The following FRAS1 variants were observed in gnomAD, a reference collection of about 807,000 sequenced individuals.
FRAS1 encodes Fraser extracellular matrix complex subunit 1, also known as extracellular matrix organizing protein FRAS1.
A neutral mutation model predicts 435.2 loss-of-function variants in FRAS1; 290 were observed. The observed-to-expected ratio is 0.67, with a 90% CI of 0.61 to 0.73. The LOEUF (loss-of-function observed/expected upper bound fraction) is 0.73. Ranked by LOEUF, FRAS1 falls within the 30% of genes least tolerant of loss-of-function variation. The pLI, the probability that FRAS1 is intolerant of heterozygous loss-of-function variation, is 0.00. For synonymous variants in FRAS1, 1,800 were observed against 1,851.0 expected, an observed-to-expected ratio of 0.97 and a Z score of 0.71; for missense variants, 4,860 against 5,001.5, an observed-to-expected ratio of 0.97 and a Z score of 0.85.
chr4:78,480,565 T>C (rs1400313673), intron 56 of FRAS1, among the ~76,000 whole-genome samples: 1 of 152,184 alleles, frequency 6.6e-6, no homozygotes, highest in East Asian at 1.9e-4. Flanking sequence ...GTGAAGTATT[T>C]AGTGTACTGC....
intron 42 of FRAS1, 26 bp from the exon 43 acceptor site, chr4:78,446,701 G>C (rs1365822118): frequency 6.2e-7 from 1 of 1,604,006 alleles, no homozygotes. Flanking sequence ...ATCTGTGTGA[G>C]ATCTAATAGT....
chr4:78,452,241 A>C lies in FRAS1; in HGVS notation c.6650A>C (p.Lys2217Thr), dbSNP rs778199753. 1 of 1,613,880 alleles carries C rather than the reference A, an allele frequency of 6.2e-7. No homozygotes were observed. Among genetic ancestry groups the C allele is most frequent in the African/African-American group, 1.3e-5 (1 of 75,038 alleles). ...GLVLDENSVKKITTLQLSATD... is the reference protein window; with the variant it reads ...GLVLDENSVKTITTLQLSATD... Reference sequence around the variant, plus strand: ...GTCTTGGATGAAAACTCAGTGAAGAAAATCACCACCCTGCAGCTGTCTGCC... The same window carrying C: ...GTCTTGGATGAAAACTCAGTGAAGACAATCACCACCCTGCAGCTGTCTGCC... Residue 2217 changes from lysine to threonine, a missense_variant, in exon 47 of 74, where the codon AAA (lysine) becomes ACA (threonine). Transcript: ENST00000512123.
At chr4:78,292,893 T>C (rs1560632269) in intron 14 of FRAS1, among the ~76,000 whole-genome samples, 1 of 152,216 alleles carries the variant, frequency 6.6e-6, no homozygotes, top group Non-Finnish European at 1.5e-5. Flanking sequence ...ATCCTATGCA[T>C]TGTTCAGAAC....
intron 47 of FRAS1, among the ~76,000 whole-genome samples, chr4:78,462,228 A>T (rs1719390902): frequency 6.6e-6 from 1 of 152,146 alleles, no homozygotes; most frequent in Non-Finnish European, 1.5e-5. Flanking sequence ...TACAAAAATT[A>T]GGCAGGGATG....
At chr4:78,347,050 C>T (rs1481869482) in intron 20 of FRAS1, among the ~76,000 whole-genome samples, 1 of 152,204 alleles carries the variant, frequency 6.6e-6, no homozygotes, top group African/African-American at 2.4e-5. Context: ...TTTCTCTCTT[C>T]CTGCTGGACA....
In FRAS1 at chr4:78,491,105, G is replaced by A. The variant is rs180710784; in HGVS notation, c.8958+2025G>A. ...ACATACGCCCTCTCAAGACTAAACCGGGAAGAATTTGAATCCCTGAATAGA... is the reference window on the plus strand; with the variant it reads ...ACATACGCCCTCTCAAGACTAAACCAGGAAGAATTTGAATCCCTGAATAGA... On this transcript the variant is annotated intron_variant, in intron 59 of 73. Transcript: ENST00000512123. Among the ~76,000 whole-genome samples, 634 of 152,044 alleles carry A rather than the reference G, an allele frequency of 4.2e-3. 6 individuals are homozygous for A. The highest frequency in any genetic ancestry group is 0.014 in the African/African-American group (599 of 41,474).
intron 2 of FRAS1, among the ~76,000 whole-genome samples, chr4:78,088,201 A>G (rs1198097287): frequency 6.6e-6 from 1 of 152,108 alleles, no homozygotes; most frequent in Non-Finnish European, 1.5e-5. Flanking sequence ...TTAGTAAATG[A>G]TGCTGGGAAA....
At chr4:78,347,751 A>ATG (rs944787108) in intron 20 of FRAS1, among the ~76,000 whole-genome samples, 21 of 73,528 alleles carry the variant, frequency 2.9e-4, no homozygotes, top group East Asian at 2.8e-3. Context: ...TGGGATGTGT[A>ATG]TGTGTGTGTG....
chr4:78,203,804 G>A (rs1314741366), intron 2 of FRAS1, among the ~76,000 whole-genome samples: 3 of 152,158 alleles, frequency 2.0e-5, no homozygotes, highest in African/African-American at 7.2e-5. Flanking sequence ...CTGACCTCAG[G>A]TGATCCGCCC....
intron 20 of FRAS1, among the ~76,000 whole-genome samples, chr4:78,338,995 T>G (rs1427757688): frequency 6.6e-6 from 1 of 152,178 alleles, no homozygotes; most frequent in Non-Finnish European, 1.5e-5. Context: ...GAAGCCCAAG[T>G]GTAGAGACTG....
chr4:78,121,365 A>C (rs1719012370), intron 2 of FRAS1, among the ~76,000 whole-genome samples: 1 of 152,230 alleles, frequency 6.6e-6, no homozygotes, highest in African/African-American at 2.4e-5. Context: ...CAAGCCCCCC[A>C]CATACTGAGA....
intron 59 of FRAS1, among the ~76,000 whole-genome samples, chr4:78,494,185 T>C (rs954892231): frequency 1.3e-5 from 2 of 152,332 alleles, no homozygotes; most frequent in South Asian, 4.1e-4. Context: ...TTTTTTCATC[T>C]TTTACTGTTT....
intron 2 of FRAS1, among the ~76,000 whole-genome samples, chr4:78,160,358 T>C (rs553834218): frequency 6.6e-6 from 1 of 152,330 alleles, no homozygotes; most frequent in East Asian, 1.9e-4. Flanking sequence ...TTTAAAAAAT[T>C]TTGAATCTAT....
chr4:78,528,265 A>G (rs935369690), intron 70 of FRAS1, among the ~76,000 whole-genome samples: 1 of 152,164 alleles, frequency 6.6e-6, no homozygotes, highest in Non-Finnish European at 1.5e-5. Flanking sequence ...CATATTATTG[A>G]CATAAAATTG....
chr4:78,312,287 AT>A (rs2110227035), intron 15 of FRAS1, among the ~76,000 whole-genome samples: 1 of 150,304 alleles, frequency 6.7e-6, no homozygotes, highest in Non-Finnish European at 1.5e-5. Flanking sequence ...AGCCTTCCTT[AT>A]TTCTCTTTAT....
intron 37 of FRAS1, 122 bp from the exon 38 acceptor site, chr4:78,432,235 G>A: frequency 1.1e-6 from 1 of 926,986 alleles, no homozygotes; most frequent in Non-Finnish European, 1.5e-6. Context: ...GGTTGGATTA[G>A]CCTGTAACTC....
intron 2 of FRAS1, among the ~76,000 whole-genome samples, chr4:78,095,868 T>G (rs1281893971): frequency 3.3e-5 from 5 of 152,236 alleles, no homozygotes; most frequent in East Asian, 3.9e-4. Flanking sequence ...CCATTATCAT[T>G]CCACCCCGGC....
intron 2 of FRAS1, among the ~76,000 whole-genome samples, chr4:78,170,303 T>A (rs1721499533): frequency 1.3e-5 from 2 of 152,178 alleles, no homozygotes; most frequent in African/African-American, 4.8e-5. Flanking sequence ...ACAAAGAGTT[T>A]GACATATAGT....
chr4:78,452,884 A>G (rs1395879682), intron 47 of FRAS1, among the ~76,000 whole-genome samples: 1 of 81,862 alleles, frequency 1.2e-5, no homozygotes, highest in Non-Finnish European at 3.3e-5. Context: ...TGTTTTAAGA[A>G]AGATATAAAC....
Sources: gnomAD v4.1 joint callset for allele counts (sites outside exome capture counted in the v4.1 genomes callset) on GRCh38, gnomAD v4.1.1 for gene constraint, MANE v1.5 for transcripts, NCBI Gene and HGNC (gene_info 2026-07-23, HGNC 2026-07-21) for gene names.